Variants in HERC4 observed in about 807,000 individuals in gnomAD.
The protein encoded by HERC4 is HECT and RLD domain containing E3 ubiquitin protein ligase 4.
In HERC4, 28 loss-of-function variants were observed where a neutral mutation model predicts 124.3. That is an observed-to-expected ratio of 0.23 (90% confidence interval 0.17 to 0.31). HERC4 has a LOEUF of 0.31. HERC4 is among the 10% of genes least tolerant of loss of function. The pLI is 1.00. For synonymous variants in HERC4, 407 were observed against 421.5 expected (o/e 0.97, Z 0.42); for missense variants, 713 against 1,229.3 (o/e 0.58, Z 6.28).
At chr10:68,018,734 G>A (rs1040026112) in intron 8 of HERC4, among the ~76,000 whole-genome samples, 4 of 152,010 alleles carry the variant, frequency 2.6e-5, no homozygotes, top group South Asian at 2.1e-4. Context: ...ATGGAACTAC[G>A]AAGAGATATG....
chr10:68,015,099 C>T (rs1417414353), intron 8 of HERC4, among the ~76,000 whole-genome samples: 2 of 152,232 alleles, frequency 1.3e-5, no homozygotes, highest in African/African-American at 4.8e-5. Context: ...AAGTCCTAAT[C>T]TATAGCTTGC....
chr10:68,000,782 G>A (rs2037184821), intron 9 of HERC4, among the ~76,000 whole-genome samples: 1 of 152,084 alleles, frequency 6.6e-6, no homozygotes, highest in South Asian at 2.1e-4. Context: ...TACAAGCGAA[G>A]GAATGCCAAA....
At chr10:68,030,510 C>T (rs72808658) in intron 7 of HERC4, among the ~76,000 whole-genome samples, 9 of 152,296 alleles carry the variant, frequency 5.9e-5, no homozygotes, top group Admixed American at 2.0e-4. Context: ...CCCTTTCTTA[C>T]AGAAAGCTGT....
chr10:68,057,227 A>G (rs2040592934), intron 3 of HERC4, among the ~76,000 whole-genome samples: 1 of 152,196 alleles, frequency 6.6e-6, no homozygotes, highest in Admixed American at 6.5e-5. Flanking sequence ...TATTATTCAG[A>G]TTGGTGTGAA....
chr10:67,928,708 G>T (rs1050713140), intron 23 of HERC4, among the ~76,000 whole-genome samples: 7 of 152,072 alleles, frequency 4.6e-5, no homozygotes, highest in Non-Finnish European at 7.4e-5. Flanking sequence ...GGATCATGAG[G>T]TCAGGAGTTC....
At chr10:68,050,162 A>AAAGT (rs1173777813) in intron 3 of HERC4, among the ~76,000 whole-genome samples, 1 of 152,214 alleles carries the variant, frequency 6.6e-6, no homozygotes, top group Admixed American at 6.5e-5. Flanking sequence ...ACTGCACTCC[A>AAAGT]GCCTGGGCAA....
intron 23 of HERC4, among the ~76,000 whole-genome samples, chr10:67,927,028 T>C (rs1211746093): frequency 6.6e-6 from 1 of 152,156 alleles, no homozygotes; most frequent in African/African-American, 2.4e-5. Flanking sequence ...AATTTTGGAC[T>C]TTCCTTATTT....
At chr10:68,059,698 TA>T (rs1162125812) in intron 3 of HERC4, among the ~76,000 whole-genome samples, 2 of 63,778 alleles carry the variant, frequency 3.1e-5, no homozygotes, top group East Asian at 2.1e-3. Flanking sequence ...TTATATATTA[TA>T]ATATTATATA....
At chr10:68,061,377 C>G (rs1410990220) in intron 3 of HERC4, among the ~76,000 whole-genome samples, 1 of 151,228 alleles carries the variant, frequency 6.6e-6, no homozygotes, top group Admixed American at 6.6e-5. Context: ...ACTGAAAATA[C>G]AAAAAATTAG....
intron 9 of HERC4, chr10:67,996,101 T>A (rs2036861249): frequency 4.5e-6 from 2 of 440,010 alleles, no homozygotes; most frequent in Non-Finnish European, 9.1e-6. Context: ...AGCCCAGGAG[T>A]TCAAGACCAG....
chr10:67,966,878 G>T, intron 15 of HERC4, 76 bp from the exon 16 acceptor site: 6 of 1,116,106 alleles, frequency 5.4e-6, no homozygotes, highest in African/African-American at 1.6e-5. Flanking sequence ...TTTTTGAGAC[G>T]GAGTCTCACT....
chr10:67,981,292 T>C (rs1349286767), intron 15 of HERC4, among the ~76,000 whole-genome samples: 2 of 152,124 alleles, frequency 1.3e-5, no homozygotes, highest in African/African-American at 4.8e-5. Flanking sequence ...ACAAAGAAGG[T>C]CACTATATAA....
chr10:68,044,824 C>A (rs915102179), intron 3 of HERC4, among the ~76,000 whole-genome samples: 2 of 151,890 alleles, frequency 1.3e-5, no homozygotes, highest in Non-Finnish European at 2.9e-5. Flanking sequence ...TATCAAGTGA[C>A]CTGAACATTT....
At chr10:68,069,495 T>C in intron 3 of HERC4, 1 of 985,478 alleles carries the variant, frequency 1.0e-6, no homozygotes, top group Non-Finnish European at 1.2e-6. Flanking sequence ...TCTTTCTGTG[T>C]GGTCCCTAAA....
At chr10:68,010,948 C>A in intron 9 of HERC4, 1 of 1,051,130 alleles carries the variant, frequency 9.5e-7, no homozygotes, top group African/African-American at 1.6e-5. Context: ...AGTTCTAGTT[C>A]TCTTGTTATT....
chr10:68,054,954 G>A (rs540126639), intron 3 of HERC4, among the ~76,000 whole-genome samples: 9 of 151,322 alleles, frequency 5.9e-5, no homozygotes, highest in African/African-American at 1.9e-4. Context: ...AGAGAGTCTC[G>A]CTCTGTTGCC....
intron 4 of HERC4, chr10:68,039,443 GC>G: frequency 6.4e-7 from 1 of 1,550,806 alleles, no homozygotes; most frequent in Non-Finnish European, 8.7e-7. Context: ...AGAGTCCGGA[GC>G]AAATTCTGAC....
intron 5 of HERC4, among the ~76,000 whole-genome samples, chr10:68,037,402 T>C (rs1396238984): frequency 6.6e-6 from 1 of 152,142 alleles, no homozygotes; most frequent in Non-Finnish European, 1.5e-5. Context: ...AGCAAACCTA[T>C]TTATTTTAAT....
chr10:68,055,515 T>C (rs573557418), intron 3 of HERC4, among the ~76,000 whole-genome samples: 54 of 152,274 alleles, frequency 3.5e-4, no homozygotes, highest in African/African-American at 1.3e-3. Context: ...AATTAACGTA[T>C]ATAAAGAGCT....
Sources: gnomAD v4.1 joint callset for allele counts (sites outside exome capture counted in the v4.1 genomes callset) on GRCh38, gnomAD v4.1.1 for gene constraint, MANE v1.5 for transcripts, NCBI Gene and HGNC (gene_info 2026-07-23, HGNC 2026-07-21) for gene names.